Variants in MTFR1L observed in about 807,000 individuals in gnomAD.
MTFR1L encodes the protein mitochondrial fission regulator 1 like.
In MTFR1L, 10 loss-of-function variants were observed where a neutral mutation model predicts 27.9. The ratio of observed to expected loss-of-function variants is 0.36; its 90% CI spans 0.22 to 0.61. The LOEUF (loss-of-function observed/expected upper bound fraction) is 0.61. MTFR1L is among the 20% of genes least tolerant of loss of function. MTFR1L has a pLI of 0.73. For synonymous variants in MTFR1L, 151 were observed against 139.4 expected (o/e 1.08, Z -0.58); for missense variants, 315 against 363.7 (o/e 0.87, Z 1.09).
rs534066714 is a variant in MTFR1L, at chr1:25,820,804, A to C, written c.-87+775A>C. 3.7e-4 allele frequency: 151 copies of C among 412,796 alleles called. 1 individual carries two copies. Among genetic ancestry groups the C allele is most frequent in the African/African-American group, 2.8e-3 (132 of 46,328 alleles). 25.6% of individuals were successfully genotyped at this position (412,796 alleles called of 1,614,324 possible). On this transcript the variant is annotated intron_variant, in intron 1 of 6. Transcript: ENST00000374303. The stretch of plus-strand genomic sequence containing the variant: ...GAAGCGCTCACTGTGTCCTAGGCAG[A>C]CACCGTGCTGTGCGCGGGGATCACA...
chr1:25,822,257 T>A (rs1384535475), intron 1 of MTFR1L: 1 of 152,268 alleles, frequency 6.6e-6, no homozygotes, highest in Non-Finnish European at 1.5e-5. Context: ...CTTTTTTGGC[T>A]CTTTTTCTCT....
rs1572249200 is a variant in MTFR1L, at chr1:25,826,228, T to A, written c.130-74T>A. ...CACCCAGTGCCGGATTAGGTACCCC[T>A]CCTGTGTATTCTGCAGTTTCTGATT... On this transcript the variant is annotated intron_variant, in intron 3 of 6. Coordinates refer to ENST00000374303, the MANE Select transcript of MTFR1L (RefSeq NM_001099625.2). This position sits in a 1 kb window ranked among gnomAD's most constrained non-coding sequence, Gnocchi z 4.1. 3 of 1,303,114 alleles carry A rather than the reference T, an allele frequency of 2.3e-6. No individual in the cohort carries two copies. Among genetic ancestry groups the A allele is most frequent in the Non-Finnish European group, 3.3e-6 (3 of 909,128 alleles). The allele number at this position is 1,303,114 out of a possible 1,614,324, so 80.7% of individuals were successfully genotyped here.
At chr1:25,822,232 C>A (rs1557440567) in intron 1 of MTFR1L, 1 of 152,254 alleles carries the variant, frequency 6.6e-6, no homozygotes, top group Non-Finnish European at 1.5e-5. Context: ...CAGAAGGTGG[C>A]TGAGCCAGGA....
rs766632261 is a variant in MTFR1L, at chr1:25,826,738, TCTGCCAGCC to T, written c.366_374del (p.Pro123_Leu125del). 2 of 1,614,146 alleles carry T rather than the reference TCTGCCAGCC, an allele frequency of 1.2e-6. No individual in the cohort carries two copies. Among genetic ancestry groups the T allele is most frequent in the Admixed American group, 3.3e-5 (2 of 60,026 alleles). On this transcript the variant is annotated inframe_deletion, in exon 5 of 7. Coordinates refer to ENST00000374303, the MANE Select transcript of MTFR1L (RefSeq NM_001099625.2). The surrounding 1 kb of genome is among the most constrained non-coding windows in gnomAD (Gnocchi z 4.1). The stretch of plus-strand genomic sequence containing the variant: ...GGCTTCTGGCCCTGAAGAAGCCAGC[TCTGCCAGCC>T]CTAAGCCGCACTACTGAGCTGCAGG...
Position 25,832,307 on chromosome 1 carries a change from T to G in MTFR1L, c.*281T>G. 1 of 885,956 alleles carries G rather than the reference T, an allele frequency of 1.1e-6. No homozygotes were observed. The allele number at this position is 885,956 out of a possible 1,614,324, so 54.9% of individuals were successfully genotyped here. A position where few individuals can be genotyped will look rare whatever the true frequency, so the allele number is the denominator to read the frequency against. On this transcript the variant is annotated 3_prime_UTR_variant, in exon 7 of 7. Coordinates refer to ENST00000374303, the MANE Select transcript of MTFR1L (RefSeq NM_001099625.2). ...AGGGTAAGAGAGAAGTTGTTTCTGG[T>G]TTTTCCTTGCCCCTGTGTGAAAATA...
chr1:25,822,726 C>T (rs905692032), intron 1 of MTFR1L: 7 of 481,492 alleles, frequency 1.5e-5, no homozygotes, highest in Admixed American at 3.8e-5. Context: ...CAGGGCTTCA[C>T]TGTGTTAGCC....
rs958862449 is a variant in MTFR1L, at chr1:25,819,959, G to C, written c.-157G>C. The C allele has an allele frequency of 1.6e-5, 5 of 313,574 alleles. No individual in the cohort carries two copies. Among genetic ancestry groups the C allele is most frequent in the African/African-American group, 9.4e-5 (4 of 42,760 alleles). The allele number at this position is 313,574 out of a possible 1,614,324, so 19.4% of individuals were successfully genotyped here. A position where few individuals can be genotyped will look rare whatever the true frequency, so the allele number is the denominator to read the frequency against. On this transcript the variant is annotated 5_prime_UTR_variant, in exon 1 of 7. Coordinates refer to ENST00000374303, the MANE Select transcript of MTFR1L (RefSeq NM_001099625.2). ...GGGGCGGGTCAGCGGAAGTGAGGGCGGTTGAGGCTGGGCGGCCCAAGGTGG... is the reference window on the plus strand; with the variant it reads ...GGGGCGGGTCAGCGGAAGTGAGGGCCGTTGAGGCTGGGCGGCCCAAGGTGG...
chr1:25,820,765 T>C (rs759318034), intron 1 of MTFR1L: 3 of 440,568 alleles, frequency 6.8e-6, no homozygotes, highest in African/African-American at 2.1e-5. Flanking sequence ...TTCATTCGTT[T>C]AGTTCAGCGC....
Position 25,826,846 on chromosome 1 carries a change from G to T in MTFR1L, c.451+20G>T, listed in dbSNP as rs764912921. The T allele has an allele frequency of 3.1e-6, 5 of 1,611,856 alleles. No individual in the cohort carries two copies. The South Asian group carries it at 5.5e-5, about 18-fold the overall frequency. ...ATGCAGGTAGGAGCCCCTGTGCCAG[G>T]GCCAGAACGTAACAGGCTGTTCCTT... On this transcript the variant is annotated intron_variant, in intron 5 of 6. Transcript: ENST00000374303. The surrounding 1 kb of genome is among the most constrained non-coding windows in gnomAD (Gnocchi z 4.1).
chr1:25,832,040 T>C lies in MTFR1L; in HGVS notation c.*14T>C, dbSNP rs747716346. 14 of 1,614,072 alleles carry C rather than the reference T, an allele frequency of 8.7e-6. No homozygotes were observed. Among genetic ancestry groups the C allele is most frequent in the Middle Eastern group, 1.6e-4 (1 of 6,062 alleles). On this transcript the variant is annotated 3_prime_UTR_variant, in exon 7 of 7. Transcript: ENST00000374303. The stretch of plus-strand genomic sequence containing the variant: ...AAAGGAAATTGACAACCCTCAGCTC[T>C]GCAAACTCAGTCTCATGCTCCTGGA...
Position 25,829,808 on chromosome 1 carries a change from C to T in MTFR1L, c.751C>T (p.Arg251Ter), listed in dbSNP as rs778797500. The stretch of plus-strand genomic sequence containing the variant: ...GATGGGTATCCTGAAGGACTTTCAC[C>T]GAATGAAACAGAGTCAAGATCTGTA... ...DMMGILKDFH[R>*]MKQSQDLNRS... Residue 251 changes from arginine (R) to a stop codon, truncating the protein, a stop_gained, in exon 6 of 7, where the codon CGA becomes TGA. Transcript: ENST00000374303. LOFTEE classifies it high-confidence loss of function. The T allele has an allele frequency of 5.6e-6, 9 of 1,602,930 alleles. No homozygotes were observed. The highest frequency in any genetic ancestry group is 1.1e-5 in the South Asian group (1 of 91,012).
chr1:25,823,702 T>A lies in MTFR1L; in HGVS notation c.83T>A (p.Ile28Asn). 1 of 1,614,050 alleles carries A rather than the reference T, an allele frequency of 6.2e-7. No individual in the cohort carries two copies. The highest frequency in any genetic ancestry group is 1.1e-5 in the South Asian group (1 of 91,082). Residue 28 changes from isoleucine to asparagine, a missense_variant, in exon 3 of 7, where the codon ATT (isoleucine) becomes AAT (asparagine). Ile to Asn is a moderately radical substitution (Grantham distance 149, BLOSUM62 -3). Transcript: ENST00000374303. ...GCTGCTCGAAGTGTAGTAAGAAGAA[T>A]TGGGACCAACCTACCCTTGAAGCCG... ...HGAARSVVRR[I>N]GTNLPLKPCA...
chr1:25,820,759 T>G (rs949050418), intron 1 of MTFR1L: 3 of 440,208 alleles, frequency 6.8e-6, no homozygotes, highest in African/African-American at 2.1e-5. Flanking sequence ...TTCCCCTTCA[T>G]TCGTTTAGTT....
At position 25,826,593 on chromosome 1, in the gene MTFR1L, T is replaced by C. The variant is rs1474409353; in HGVS notation, c.240-22T>C. ...AGTGGCCTGCTGTCTCTAACTGATC[T>C]ACTTGGTTTTCCCTGGTCCAGGAGT... On this transcript the variant is annotated intron_variant, in intron 4 of 6. Coordinates refer to ENST00000374303, the MANE Select transcript of MTFR1L (RefSeq NM_001099625.2). This position sits in a 1 kb window ranked among gnomAD's most constrained non-coding sequence, Gnocchi z 4.1. 1.2e-6 allele frequency: 2 copies of C among 1,613,956 alleles called. No individual in the cohort carries two copies. The highest frequency in any genetic ancestry group is 4.5e-5 in the East Asian group (2 of 44,876).
intron 5 of MTFR1L, among the ~76,000 whole-genome samples, chr1:25,828,332 C>G (rs994774325): frequency 5.3e-5 from 8 of 152,172 alleles, no homozygotes; most frequent in African/African-American, 1.9e-4. Flanking sequence ...CCTGTAATCC[C>G]AACACTTTGG....
chr1:25,828,692 A>G (rs2048199520), intron 5 of MTFR1L, among the ~76,000 whole-genome samples: 2 of 152,194 alleles, frequency 1.3e-5, no homozygotes, highest in South Asian at 4.1e-4. Flanking sequence ...AGAGGCATGG[A>G]CAGCCAACAG....
In MTFR1L at chr1:25,826,568, A is replaced by C; in HGVS notation, c.240-47A>C. ...GTGGGGGAAGGAACCTTAGGAGCAC[A>C]GTGGCCTGCTGTCTCTAACTGATCT... is the stretch of plus-strand genomic sequence containing the variant. On this transcript the variant is annotated intron_variant, in intron 4 of 6. Transcript: ENST00000374303. The surrounding 1 kb of genome is among the most constrained non-coding windows in gnomAD (Gnocchi z 4.1). The C allele has an allele frequency of 6.2e-7, 1 of 1,609,338 alleles. No individual in the cohort carries two copies. The highest frequency in any genetic ancestry group is 8.5e-7 in the Non-Finnish European group (1 of 1,175,848).
In MTFR1L at chr1:25,826,318, C is replaced by T. The variant is rs1428274683; in HGVS notation, c.146C>T (p.Ser49Phe). 6.2e-7 allele frequency: 1 copy of T among 1,614,092 alleles called. No homozygotes were observed. The highest frequency in any genetic ancestry group is 8.5e-7 in the Non-Finnish European group (1 of 1,180,042). Residue 49 changes from serine to phenylalanine, a missense_variant, in exon 4 of 7, where the codon TCT (serine) becomes TTT (phenylalanine). Transcript: ENST00000374303. The surrounding 1 kb of genome is among the most constrained non-coding windows in gnomAD (Gnocchi z 4.1). ...TCTCCATAGACCCTGCCCAACATCT[C>T]TGACCTGTGTTTGAGAGATGTGCCC... ...RASFETLPNI[S>F]DLCLRDVPPV...
intron 3 of MTFR1L, 106 bp downstream of exon 3, chr1:25,823,854 T>C (rs951283932): frequency 4.5e-6 from 6 of 1,347,344 alleles, no homozygotes; most frequent in Middle Eastern, 2.7e-4. Flanking sequence ...TCACTTTTCA[T>C]TCTGTTATGA....
Sources: gnomAD v4.1 joint callset for allele counts (sites outside exome capture counted in the v4.1 genomes callset) on GRCh38, gnomAD v4.1.1 for gene constraint, Gnocchi (gnomAD v3.1) non-coding constraint, MANE v1.5 for transcripts, NCBI Gene and HGNC (gene_info 2026-07-23, HGNC 2026-07-21) for gene names.